Variants in FRMPD4 observed in about 807,000 individuals in gnomAD.
The protein encoded by FRMPD4 is FERM and PDZ domain containing 4, also known as FERM and PDZ domain-containing protein 4.
FRMPD4 carries 22 observed loss-of-function variants against 94.1 expected under a neutral mutation model. The ratio of observed to expected loss-of-function variants is 0.23; its 90% CI spans 0.17 to 0.33. The LOEUF (loss-of-function observed/expected upper bound fraction) is 0.33, where lower values mean the gene tolerates loss of function less well. FRMPD4 is among the 10% of genes least tolerant of loss of function. The pLI is 1.00. For synonymous variants in FRMPD4, 631 were observed against 548.6 expected (o/e 1.15, Z -2.10); for missense variants, 1,111 against 1,339.9 (o/e 0.83, Z 2.67).
At chrX:11,962,987 T>G (rs2054291357) in intron 3 of FRMPD4, among the ~76,000 whole-genome samples, 1 of 112,111 alleles carries the variant, frequency 8.9e-6, no homozygotes, top group African/African-American at 3.2e-5. Flanking sequence ...TCCCTCCTAC[T>G]AACCCCTCAT....
chrX:12,063,335 C>T (rs142137469), intron 3 of FRMPD4, among the ~76,000 whole-genome samples: 1,140 of 111,877 alleles, frequency 0.01, 18 homozygotes, highest in African/African-American at 0.035. Flanking sequence ...CACCACTGCA[C>T]TCCAGCCTTG....
intron 1 of FRMPD4, among the ~76,000 whole-genome samples, chrX:11,848,064 AAAG>A (rs2053591626): frequency 9.0e-6 from 1 of 110,681 alleles, no homozygotes; most frequent in African/African-American, 3.3e-5. Context: ...TAAATAAAAA[AAAG>A]AAAAATAATA....
intron 1 of FRMPD4, among the ~76,000 whole-genome samples, chrX:12,452,883 G>A (rs1452173977): frequency 8.9e-6 from 1 of 111,911 alleles, no homozygotes; most frequent in Non-Finnish European, 1.9e-5. Flanking sequence ...GCTCAGACAT[G>A]ATGAATGCTT....
chrX:12,138,985 G>A lies in FRMPD4; in HGVS notation c.14G>A (p.Ser5Asn), dbSNP rs1456683031. 1.5e-5 allele frequency: 18 copies of A among 1,170,537 alleles called. No homozygotes were observed. Among genetic ancestry groups the A allele is most frequent in the Non-Finnish European group, 1.9e-5 (17 of 874,848 alleles). The change falls in exon 1 of 17, where the codon AGC becomes AAC. Residue 5 changes from serine to asparagine, a missense_variant. Physicochemically the swap from Ser to Asn is conservative, Grantham distance 46. Transcript: ENST00000675598. ...CCAGCTGCCTGCATGGATGTCTTCA[G>A]CTTTGTGAAGATTGCAAAGCTTTCG... MDVF[S>N]FVKIAKLSSH...
chrX:12,076,099 A>G (rs1418741481), intron 3 of FRMPD4, among the ~76,000 whole-genome samples: 1 of 111,703 alleles, frequency 9.0e-6, no homozygotes, highest in Non-Finnish European at 1.9e-5. Flanking sequence ...TGAGGAATAG[A>G]CACTTGGGGT....
At chrX:11,843,232 G>A (rs2053549522) in intron 1 of FRMPD4, among the ~76,000 whole-genome samples, 1 of 111,746 alleles carries the variant, frequency 8.9e-6, no homozygotes, top group African/African-American at 3.2e-5. Flanking sequence ...TTGCATCTAT[G>A]TTCATGAGGA....
intron 4 of FRMPD4, among the ~76,000 whole-genome samples, chrX:12,650,043 G>A (rs1319265457): frequency 1.8e-5 from 2 of 112,812 alleles, no homozygotes; most frequent in African/African-American, 6.4e-5. Flanking sequence ...GGTGAATCTG[G>A]GAAGACTTCA....
Position 11,824,177 on chromosome X carries a change from G to A in FRMPD4, c.-161+1462G>A, listed in dbSNP as rs778656171. On this transcript the variant is annotated intron_variant, in intron 1 of 18. Transcript: ENST00000640291. The stretch of plus-strand genomic sequence containing the variant: ...AATATAAGGTGACAAATTTGGTGGC[G>A]CCATCAGCAATATGGGGAAGACTTG... Among the ~76,000 whole-genome samples the A allele has an allele frequency of 4.5e-5, 5 of 111,416 alleles. No homozygotes were observed. The East Asian group carries it at 8.4e-4, about 19-fold the overall frequency.
chrX:12,079,840 A>C (rs919031049), intron 3 of FRMPD4, among the ~76,000 whole-genome samples: 6 of 112,441 alleles, frequency 5.3e-5, no homozygotes, highest in Non-Finnish European at 9.4e-5. Context: ...AAGGTCTTAA[A>C]ATAGAGACCT....
intron 1 of FRMPD4, among the ~76,000 whole-genome samples, chrX:12,359,089 T>C (rs1000744534): frequency 4.5e-5 from 5 of 112,148 alleles, no homozygotes; most frequent in Non-Finnish European, 7.5e-5. Flanking sequence ...TCCATGATGC[T>C]GCAAATGTCA....
At chrX:12,502,405 G>A (rs1194818411) in intron 2 of FRMPD4, among the ~76,000 whole-genome samples, 2 of 111,582 alleles carry the variant, frequency 1.8e-5, no homozygotes, top group Non-Finnish European at 3.8e-5. Flanking sequence ...GAGCAGAGCA[G>A]GGGAAGGGAG....
intron 2 of FRMPD4, among the ~76,000 whole-genome samples, chrX:12,512,171 T>G (rs2058049981): frequency 8.9e-6 from 1 of 112,728 alleles, no homozygotes; most frequent in Admixed American, 9.3e-5. Context: ...GTACATTGTT[T>G]TTTAAGGCAC....
At chrX:12,087,327 C>G (rs759741419) in intron 3 of FRMPD4, among the ~76,000 whole-genome samples, 4 of 111,669 alleles carry the variant, frequency 3.6e-5, no homozygotes, top group Non-Finnish European at 7.5e-5. Flanking sequence ...ACAGACTTTC[C>G]AAGCCTATTT....
chrX:12,469,548 G>C (rs2057486648), intron 1 of FRMPD4, among the ~76,000 whole-genome samples: 1 of 111,638 alleles, frequency 9.0e-6, no homozygotes, highest in African/African-American at 3.3e-5. Flanking sequence ...ACCGTGCCCG[G>C]CCTCCTTTCT....
chrX:12,097,754 T>C (rs1226679296), intron 3 of FRMPD4, among the ~76,000 whole-genome samples: 1 of 112,797 alleles, frequency 8.9e-6, no homozygotes, highest in African/African-American at 3.2e-5. Context: ...TTTCAGTATT[T>C]TGTTCCTTTT....
chrX:11,855,098 C>G (rs1299049961), intron 1 of FRMPD4, among the ~76,000 whole-genome samples: 1 of 112,756 alleles, frequency 8.9e-6, no homozygotes, highest in Non-Finnish European at 1.9e-5. Context: ...AGGCCCAACA[C>G]CATGTATAAG....
intron 2 of FRMPD4, among the ~76,000 whole-genome samples, chrX:12,578,384 G>A (rs1377286581): frequency 9.0e-6 from 1 of 111,680 alleles, no homozygotes; most frequent in Admixed American, 9.5e-5. Context: ...TTTATCCACT[G>A]TCTACAGTGG....
chrX:12,399,450 C>A (rs770607784), intron 1 of FRMPD4, among the ~76,000 whole-genome samples: 1 of 111,554 alleles, frequency 9.0e-6, no homozygotes. Flanking sequence ...GAGGCACTGA[C>A]CCTCATGCAG....
intron 3 of FRMPD4, among the ~76,000 whole-genome samples, chrX:11,974,216 G>T (rs1201451624): frequency 9.0e-6 from 1 of 111,040 alleles, no homozygotes; most frequent in African/African-American, 3.3e-5. Context: ...GGAGGTGTTT[G>T]GGTCATGGGA....
Sources: gnomAD v4.1 joint callset for allele counts (sites outside exome capture counted in the v4.1 genomes callset) on GRCh38, gnomAD v4.1.1 for gene constraint, MANE v1.5 for transcripts, NCBI Gene and HGNC (gene_info 2026-07-23, HGNC 2026-07-21) for gene names.